Variants in ITIH4 observed in about 807,000 individuals in gnomAD.
The protein encoded by ITIH4 is inter-alpha-trypsin inhibitor heavy chain 4.
ITIH4 carries 79 observed loss-of-function variants against 111.8 expected under a neutral mutation model. The ratio of observed to expected loss-of-function variants is 0.71; its 90% confidence interval spans 0.59 to 0.85. The LOEUF is 0.85. Among genes scored for constraint, ITIH4 ranks in the 40% least tolerant of loss-of-function variants. The pLI is 0.00. For synonymous variants in ITIH4, 472 were observed against 468.3 expected (o/e 1.01, Z -0.10); for missense variants, 1,065 against 1,195.8 (o/e 0.89, Z 1.61).
At chr3:52,814,126 C>T in intron 22 of ITIH4, 55 bp from the exon 23 acceptor site, 5 of 1,603,994 alleles carry the variant, frequency 3.1e-6, no homozygotes, top group Non-Finnish European at 4.3e-6. Flanking sequence ...GCCTGGGAGA[C>T]ACACGCAGGG....
intron 23 of ITIH4, 112 bp downstream of exon 23, chr3:52,813,861 CTG>C (rs1169944095): frequency 1.5e-5 from 12 of 808,112 alleles, no homozygotes; most frequent in Non-Finnish European, 2.3e-5. Context: ...TTCCACCGGA[CTG>C]TGTCTAGTTC....
Position 52,816,989 on chromosome 3 carries a change from T to G in ITIH4, c.2366A>C (p.Asn789Thr). The G allele has an allele frequency of 6.2e-7, 1 of 1,613,676 alleles. No homozygotes were observed. The highest frequency in any genetic ancestry group is 1.1e-5 in the South Asian group (1 of 91,054). The change falls in exon 21 of 24, where the codon AAC becomes ACC. Residue 789 changes from asparagine (N) to threonine (T), a missense_variant. Coordinates refer to ENST00000266041, the MANE Select transcript of ITIH4 (RefSeq NM_002218.5). ...GGATGCGTGAACCCATACCAGGGGG[T>G]TCTTGAAGGTCACTTCGATCCATGA... ...GFSWIEVTFK[N>T]PLVWVHASPE... is the part of the protein sequence containing the mutation.
rs774246042 is a variant in ITIH4, at chr3:52,814,088, G to A, written c.2627-17C>T. On this transcript the variant is annotated splice_polypyrimidine_tract_variant and intron_variant, in intron 22 of 23. Coordinates refer to ENST00000266041, the MANE Select transcript of ITIH4 (RefSeq NM_002218.5). ...AAAACTGGCCTGAGATACAAAGGGT[G>A]GATCAGTAAGGGTCAGAGACAGAGG... 20 of 1,611,920 alleles carry A rather than the reference G, an allele frequency of 1.2e-5. No individual in the cohort carries two copies. The highest frequency in any genetic ancestry group is 1.6e-5 in the Non-Finnish European group (19 of 1,178,706).
chr3:52,824,199 G>C lies in ITIH4; in HGVS notation c.1162C>G (p.Pro388Ala). The change falls in exon 9 of 24, where the codon CCC (proline) becomes GCC (alanine). Residue 388 changes from proline (P) to alanine (A), a missense_variant. Physicochemically the swap from Pro to Ala is conservative, Grantham distance 27. Transcript: ENST00000266041. This position sits in a 1 kb window ranked among gnomAD's most constrained non-coding sequence, Gnocchi z 4.3. ...CGGGCAGGGCCCTCACCCACAGTGG[G>C]GTCGCCATCGGTGAGCAGGATGATG... ...SLIILLTDGD[P>A]TVGETNPRSI... 1 of 1,613,286 alleles carries C rather than the reference G, an allele frequency of 6.2e-7. No individual in the cohort carries two copies. The highest frequency in any genetic ancestry group is 1.1e-5 in the South Asian group (1 of 91,070).
chr3:52,830,394 C>T (rs1460827063), intron 1 of ITIH4, 159 bp downstream of exon 1: 4 of 744,698 alleles, frequency 5.4e-6, no homozygotes, highest in Non-Finnish European at 2.5e-6. Context: ...CAGTAAGGCC[C>T]TTGGGGTAGT....
chr3:52,815,862 T>G (rs2008680), intron 21 of ITIH4, among the ~76,000 whole-genome samples: 34,987 of 151,872 alleles, frequency 0.23, 5,113 homozygotes, highest in Middle Eastern at 0.37. Flanking sequence ...GTTTTTGTAT[T>G]TTTAGTAGAG....
intron 16 of ITIH4, 30 bp from the exon 17 acceptor site, chr3:52,819,548 T>A (rs763950170): frequency 1.2e-6 from 2 of 1,613,716 alleles, no homozygotes; most frequent in East Asian, 4.5e-5. Flanking sequence ...TGCAGTCTTC[T>A]CTCAGGTGGG....
At chr3:52,814,426 C>G in intron 21 of ITIH4, 63 bp from the exon 22 acceptor site, 1 of 1,479,654 alleles carries the variant, frequency 6.8e-7, no homozygotes, top group South Asian at 1.2e-5. Context: ...CCTCAGTAGT[C>G]AGGGTGGGGA....
chr3:52,824,278 C>T lies in ITIH4; in HGVS notation c.1083G>A (p.Gln361=), dbSNP rs780014854. Residue 361 remains glutamine (Q), a synonymous_variant, in exon 9 of 24, where the codon CAG becomes CAA. Coordinates refer to ENST00000266041, the MANE Select transcript of ITIH4 (RefSeq NM_002218.5). This position sits in a 1 kb window ranked among gnomAD's most constrained non-coding sequence, Gnocchi z 4.3. The part of the protein sequence containing the change: ...NINDAMLMAV[Q]LLDSSNQEER... ...CCTCCTGGTTGCTGCTGTCCAGCAA[C>T]TGCACAGCCATCAGCATTGCATCAT... is the stretch of plus-strand genomic sequence containing the variant. The T allele has an allele frequency of 6.2e-7, 1 of 1,613,746 alleles. No homozygotes were observed. The highest frequency in any genetic ancestry group is 1.1e-5 in the South Asian group (1 of 91,084).
At chr3:52,814,187 G>GC in intron 22 of ITIH4, 22 bp downstream of exon 22, 1 of 1,609,678 alleles carries the variant, frequency 6.2e-7, no homozygotes, top group Non-Finnish European at 8.5e-7. Context: ...GAAGGCCTGG[G>GC]CCCCGGTAAT....
rs767790469 is a variant in ITIH4 at position 52,824,058 on chromosome 3, T to C, written c.1172-54A>G. 51 of 1,545,688 alleles carry C rather than the reference T, an allele frequency of 3.3e-5. No homozygotes were observed. The highest frequency in any genetic ancestry group is 4.5e-5 in the Non-Finnish European group (51 of 1,145,214). Reference sequence around the variant, plus strand: ...AGAAAATAGTGATTTGCTTGAAGAATATTTCTGGAACCTCAGAGCCGAGGG... The same window carrying C: ...AGAAAATAGTGATTTGCTTGAAGAACATTTCTGGAACCTCAGAGCCGAGGG... On this transcript the variant is annotated intron_variant, in intron 9 of 23. Transcript: ENST00000266041. The surrounding 1 kb of genome is among the most constrained non-coding windows in gnomAD (Gnocchi z 4.3).
chr3:52,823,132 C>T (rs1325050343), intron 11 of ITIH4, among the ~76,000 whole-genome samples: 2 of 152,164 alleles, frequency 1.3e-5, no homozygotes, highest in Admixed American at 6.5e-5. Flanking sequence ...GCAGGGAAGG[C>T]TGGGCAAGGA....
At position 52,823,727 on chromosome 3, in the gene ITIH4, TTCCTGGTAGAAG is replaced by T; in HGVS notation, c.1356_1367del (p.Asp452_Gln455del). 6.2e-7 allele frequency: 1 copy of T among 1,614,180 alleles called. No individual in the cohort carries two copies. Among genetic ancestry groups the T allele is most frequent in the Non-Finnish European group, 8.5e-7 (1 of 1,180,020 alleles). Reference sequence around the variant, plus strand: ...CTGCTGTCAGCAGTGGGTTGGCCACTTCCTGGTAGAAGTCCTGCAGGGTTGGGGGTGTCATAA... The same window carrying T: ...CTGCTGTCAGCAGTGGGTTGGCCACTTCCTGCAGGGTTGGGGGTGTCATAA... On this transcript the variant is annotated inframe_deletion and splice_region_variant, in exon 11 of 24. Coordinates refer to ENST00000266041, the MANE Select transcript of ITIH4 (RefSeq NM_002218.5).
chr3:52,818,301 C>A lies in ITIH4; in HGVS notation c.2153-18G>T. ...GGTTGTTTCTAAAAGAAGAAAAAGTCTGGGTTTAGGCAGCCCCTTCCTGAG... is the reference window on the plus strand; with the variant it reads ...GGTTGTTTCTAAAAGAAGAAAAAGTATGGGTTTAGGCAGCCCCTTCCTGAG... On this transcript the variant is annotated intron_variant, in intron 18 of 23. Transcript: ENST00000266041. 1 of 1,575,322 alleles carries A rather than the reference C, an allele frequency of 6.3e-7. No homozygotes were observed. Among genetic ancestry groups the A allele is most frequent in the Non-Finnish European group, 8.6e-7 (1 of 1,162,384 alleles).
chr3:52,814,001 A>G lies in ITIH4; in HGVS notation c.2697T>C (p.Val899=). The G allele has an allele frequency of 6.2e-7, 1 of 1,613,446 alleles. No homozygotes were observed. Among genetic ancestry groups the G allele is most frequent in the Non-Finnish European group, 8.5e-7 (1 of 1,179,910 alleles). The change falls in exon 23 of 24, where the codon GTT becomes GTC. Residue 899 remains valine, a synonymous_variant. Transcript: ENST00000266041. ...TGGTGGCAGAGTGGTCATTGCCCTG[A>G]ACCCTCAGCGTGCGTCTGCCGTCAT... ...ASDDGRRTLR[V]QGNDHSATRE... is the part of the protein sequence containing the mutation.
chr3:52,819,624 C>A (rs1008154347), intron 16 of ITIH4, 106 bp from the exon 17 acceptor site: 1 of 1,569,510 alleles, frequency 6.4e-7, no homozygotes, highest in East Asian at 2.2e-5. Context: ...GCAGCTATGT[C>A]CCCTCTCCCC....
Position 52,820,702 on chromosome 3 carries a change from A to G in ITIH4, c.1763T>C (p.Leu588Pro). 1.2e-6 allele frequency: 2 copies of G among 1,614,106 alleles called. No individual in the cohort carries two copies. Among genetic ancestry groups the G allele is most frequent in the Non-Finnish European group, 1.7e-6 (2 of 1,179,986 alleles). The change falls in exon 13 of 24, where the codon CTC becomes CCC. Residue 588 changes from leucine (L) to proline (P), a missense_variant. By Grantham distance (98) the Leu-to-Pro change is moderately conservative. Transcript: ENST00000266041. ...GGGTTTGGTGACTACCATAGATGTG[A>G]GAGGCGTGACAAAGCTGTAGGCAAG... is the stretch of plus-strand genomic sequence containing the variant. ...LSLAYSFVTP[L>P]TSMVVTKPDD...
At chr3:52,818,373 C>T (rs1578773065) in intron 18 of ITIH4, 89 bp downstream of exon 18, 1 of 1,569,700 alleles carries the variant, frequency 6.4e-7, no homozygotes, top group African/African-American at 1.3e-5. Context: ...TGGCTGGGTT[C>T]CCTCACTACT....
At chr3:52,827,236 G>A (rs1372043829) in intron 2 of ITIH4, 39 bp from the exon 3 acceptor site, 1 of 1,529,886 alleles carries the variant, frequency 6.5e-7, no homozygotes, top group Admixed American at 1.7e-5. Flanking sequence ...GAGCCTGGTG[G>A]CAGGGGCCCA....
Sources: allele counts gnomAD v4.1 joint callset (sites outside exome capture counted in the v4.1 genomes callset), GRCh38; gene constraint gnomAD v4.1.1; non-coding constraint Gnocchi (gnomAD v3.1); transcripts MANE v1.5; gene names NCBI Gene and HGNC (gene_info 2026-07-23, HGNC 2026-07-21).